Variants in KCNH5 observed in about 807,000 individuals in gnomAD.
KCNH5 encodes the protein potassium voltage-gated channel subfamily H member 5.
KCNH5 carries 46 observed loss-of-function variants against 96.1 expected under a neutral mutation model. The ratio of observed to expected loss-of-function variants is 0.48; its 90% CI spans 0.38 to 0.61. The LOEUF is 0.61. KCNH5 is among the 20% of genes least tolerant of loss of function. The pLI is 0.00. For missense variants in KCNH5, 907 were observed against 1,225.8 expected (o/e 0.74, Z 3.88); for synonymous variants, 439 against 449.8 (o/e 0.98, Z 0.30).
chr14:62,916,113 C>T (rs1418221821), intron 7 of KCNH5, among the ~76,000 whole-genome samples: 7 of 151,852 alleles, frequency 4.6e-5, no homozygotes, highest in East Asian at 1.9e-4. Context: ...CCACTACGCC[C>T]GGCTAATTTT....
chr14:62,913,162 C>T (rs1392353989), intron 7 of KCNH5, among the ~76,000 whole-genome samples: 1 of 151,846 alleles, frequency 6.6e-6, no homozygotes, highest in Non-Finnish European at 1.5e-5. Context: ...TTGTTGGCCT[C>T]GAATATAAAA....
intron 8 of KCNH5, among the ~76,000 whole-genome samples, chr14:62,810,052 T>G (rs1306448409): frequency 6.6e-6 from 1 of 152,162 alleles, no homozygotes; most frequent in East Asian, 1.9e-4. Context: ...CTGGAATAAC[T>G]TTATTCATTT....
chr14:62,896,202 CCTT>C (rs1888809145), intron 7 of KCNH5, among the ~76,000 whole-genome samples: 4 of 152,270 alleles, frequency 2.6e-5, no homozygotes, highest in South Asian at 2.1e-4. Context: ...CCAAGCAAAT[CCTT>C]CTTTCTATTT....
chr14:62,968,803 C>T (rs1179326885), intron 6 of KCNH5, among the ~76,000 whole-genome samples: 3 of 152,142 alleles, frequency 2.0e-5, no homozygotes, highest in Non-Finnish European at 4.4e-5. Flanking sequence ...AGAGTGTCTG[C>T]TTTGGAGATT....
chr14:63,011,136 A>T lies in KCNH5; in HGVS notation c.198-4664T>A, dbSNP rs113035638. Among the ~76,000 whole-genome samples the T allele has an allele frequency of 2.0e-3, 307 of 152,284 alleles. 4 individuals carry two copies. Among genetic ancestry groups the T allele is most frequent in the African/African-American group, 7.2e-3 (301 of 41,562 alleles). ...ACTGAGATCTACAGTCGAAGGATCA[A>T]AAAAGATAAAGCCTGAGAGAGGGGA... On this transcript the variant is annotated intron_variant, in intron 2 of 10. Coordinates refer to ENST00000322893, the MANE Select transcript of KCNH5 (RefSeq NM_139318.5).
intron 6 of KCNH5, among the ~76,000 whole-genome samples, chr14:62,964,034 T>C (rs1283352677): frequency 6.6e-6 from 1 of 152,090 alleles, no homozygotes; most frequent in African/African-American, 2.4e-5. Flanking sequence ...GAGAAAACAA[T>C]GTCAATGAAA....
intron 7 of KCNH5, among the ~76,000 whole-genome samples, chr14:62,932,475 T>C (rs371392062): frequency 2.0e-5 from 2 of 102,486 alleles, no homozygotes; most frequent in Non-Finnish European, 2.1e-5. Flanking sequence ...GAAATGAGAT[T>C]AAAAAAAAAA....
chr14:63,043,905 A>T (rs1340373858), intron 1 of KCNH5, among the ~76,000 whole-genome samples: 1 of 152,188 alleles, frequency 6.6e-6, no homozygotes, highest in East Asian at 1.9e-4. Context: ...TGTGCCTCCA[A>T]CTAGGCAAGG....
chr14:62,901,814 A>G (rs1038510245), intron 7 of KCNH5, among the ~76,000 whole-genome samples: 1 of 152,256 alleles, frequency 6.6e-6, no homozygotes, highest in African/African-American at 2.4e-5. Flanking sequence ...ACTGCTTTCA[A>G]CAATGGCCAA....
chr14:62,723,155 A>T (rs1884852584), intron 10 of KCNH5, among the ~76,000 whole-genome samples: 1 of 152,132 alleles, frequency 6.6e-6, no homozygotes, highest in South Asian at 2.1e-4. Context: ...TTTTACCATA[A>T]AAGAAATTTT....
Position 63,009,502 on chromosome 14 carries a change from G to A in KCNH5, c.198-3030C>T, listed in dbSNP as rs187779922. On this transcript the variant is annotated intron_variant, in intron 2 of 10. Coordinates refer to ENST00000322893, the MANE Select transcript of KCNH5 (RefSeq NM_139318.5). ...AAAATAGTCTTTCATTTCTTACATT[G>A]TTCCACTCAGATTTTTCATTTATTA... Among the ~76,000 whole-genome samples the A allele has an allele frequency of 1.1e-4, 17 of 152,162 alleles. No homozygotes were observed. In the East Asian group the frequency reaches 3.1e-3, roughly 28 times the overall value.
chr14:62,817,744 T>G (rs1887019267), intron 8 of KCNH5, among the ~76,000 whole-genome samples: 2 of 146,956 alleles, frequency 1.4e-5, no homozygotes, highest in Admixed American at 6.9e-5. Flanking sequence ...TAATAATATA[T>G]TCTAGGAATA....
At chr14:62,925,757 G>A (rs1428910657) in intron 7 of KCNH5, among the ~76,000 whole-genome samples, 3 of 152,008 alleles carry the variant, frequency 2.0e-5, no homozygotes, top group African/African-American at 7.2e-5. Flanking sequence ...AAGCCTTGTA[G>A]ACATAATTGT....
intron 8 of KCNH5, among the ~76,000 whole-genome samples, chr14:62,820,462 T>C (rs1455536522): frequency 2.0e-5 from 3 of 151,976 alleles, no homozygotes; most frequent in African/African-American, 7.3e-5. Flanking sequence ...TACCCATTAG[T>C]TATTTTTCCT....
At chr14:62,953,822 C>T (rs1890051319) in intron 6 of KCNH5, among the ~76,000 whole-genome samples, 1 of 152,160 alleles carries the variant, frequency 6.6e-6, no homozygotes, top group Non-Finnish European at 1.5e-5. Flanking sequence ...CTCCATCAGC[C>T]ATCCCACCTC....
At chr14:63,042,723 C>T (rs1160515640) in intron 1 of KCNH5, among the ~76,000 whole-genome samples, 1 of 152,134 alleles carries the variant, frequency 6.6e-6, no homozygotes, top group African/African-American at 2.4e-5. Context: ...TTCTATTTCT[C>T]TGCCAAATCA....
At chr14:62,898,596 T>A (rs1024473267) in intron 7 of KCNH5, among the ~76,000 whole-genome samples, 1 of 152,060 alleles carries the variant, frequency 6.6e-6, no homozygotes. Flanking sequence ...AAAATATAAC[T>A]ATGTACTGTT....
At chr14:62,912,675 G>A (rs561322176) in intron 7 of KCNH5, among the ~76,000 whole-genome samples, 5 of 152,122 alleles carry the variant, frequency 3.3e-5, no homozygotes, top group South Asian at 2.1e-4. Flanking sequence ...CAAAGTGCTG[G>A]GACTACAGGC....
intron 7 of KCNH5, among the ~76,000 whole-genome samples, chr14:62,948,475 TG>T (rs1889936822): frequency 6.6e-6 from 1 of 152,088 alleles, no homozygotes; most frequent in Non-Finnish European, 1.5e-5. Context: ...GTTGAATCTC[TG>T]AATAGACCAA....
Sources: gnomAD v4.1 joint callset for allele counts (sites outside exome capture counted in the v4.1 genomes callset) on GRCh38, gnomAD v4.1.1 for gene constraint, MANE v1.5 for transcripts, NCBI Gene and HGNC (gene_info 2026-07-23, HGNC 2026-07-21) for gene names.